The following EIPR1 variants were observed in gnomAD, a reference collection of about 807,000 sequenced individuals.
EIPR1 encodes EARP complex and GARP complex interacting protein 1.
Under a neutral mutation model 48.1 loss-of-function variants are expected in EIPR1, and 25 were observed. That is an observed-to-expected ratio of 0.52 (90% CI 0.38 to 0.73). The LOEUF is 0.73. Ranked by LOEUF, EIPR1 falls within the 30% of genes least tolerant of loss-of-function variation. The pLI, the probability that EIPR1 is intolerant of heterozygous loss-of-function variation, is 0.00. For missense variants in EIPR1, 415 were observed against 506.2 expected, an observed-to-expected ratio of 0.82 and a Z score of 1.73; for synonymous variants, 204 against 201.9, an observed-to-expected ratio of 1.01 and a Z score of -0.09.
At chr2:3,250,938 C>T (rs1044866707) in intron 4 of EIPR1, among the ~76,000 whole-genome samples, 1 of 151,978 alleles carries the variant, frequency 6.6e-6, no homozygotes, top group Non-Finnish European at 1.5e-5. Flanking sequence ...GCCAAATAAA[C>T]CTCTTTTTTT....
chr2:3,266,333 G>A (rs1397073235), intron 3 of EIPR1, among the ~76,000 whole-genome samples: 5 of 152,246 alleles, frequency 3.3e-5, no homozygotes. Context: ...GAGCTGAGCA[G>A]GATGGATGAG....
intron 4 of EIPR1, among the ~76,000 whole-genome samples, chr2:3,253,608 T>C (rs1211692366): frequency 6.6e-6 from 1 of 152,224 alleles, no homozygotes; most frequent in African/African-American, 2.4e-5. Context: ...CCGGACTCAG[T>C]ACTTCCCAGC....
At chr2:3,194,309 T>G in intron 6 of EIPR1, 143 bp from the exon 7 acceptor site, 16 of 968,688 alleles carry the variant, frequency 1.7e-5, no homozygotes, top group Non-Finnish European at 2.2e-5. Flanking sequence ...GTTCCTGCCC[T>G]GCAGGAAGAG....
At chr2:3,257,278 A>G (rs1281362701) in intron 4 of EIPR1, 21 bp downstream of exon 4, 3 of 1,607,014 alleles carry the variant, frequency 1.9e-6, no homozygotes, top group African/African-American at 2.7e-5. Flanking sequence ...TTCTGGGCGC[A>G]TGAAATATGC....
intron 3 of EIPR1, among the ~76,000 whole-genome samples, chr2:3,336,516 C>T (rs1258026050): frequency 6.6e-6 from 1 of 152,140 alleles, no homozygotes; most frequent in African/African-American, 2.4e-5. Context: ...GTCTGTAATC[C>T]TAGCACTTTG....
intron 5 of EIPR1, among the ~76,000 whole-genome samples, chr2:3,202,985 C>G (rs1162140171): frequency 6.6e-6 from 1 of 152,230 alleles, no homozygotes; most frequent in Non-Finnish European, 1.5e-5. Context: ...CACTCGGTGT[C>G]TGGCTGCCGA....
At chr2:3,193,681 G>A (rs1664691069) in intron 7 of EIPR1, among the ~76,000 whole-genome samples, 1 of 152,208 alleles carries the variant, frequency 6.6e-6, no homozygotes, top group South Asian at 2.1e-4. Flanking sequence ...CCTAGTGATG[G>A]ACATTTGGGT....
chr2:3,265,304 C>T (rs1667453895), intron 3 of EIPR1, among the ~76,000 whole-genome samples: 1 of 152,146 alleles, frequency 6.6e-6, no homozygotes, highest in African/African-American at 2.4e-5. Context: ...AGTTGGCATT[C>T]CTACCTCCAG....
intron 3 of EIPR1, among the ~76,000 whole-genome samples, chr2:3,260,955 A>G (rs1468453341): frequency 6.6e-6 from 1 of 152,244 alleles, no homozygotes; most frequent in African/African-American, 2.4e-5. Flanking sequence ...CACATTTTGG[A>G]AAACACTTTT....
intron 2 of EIPR1, among the ~76,000 whole-genome samples, chr2:3,343,647 A>G (rs1288973284): frequency 6.6e-6 from 1 of 152,248 alleles, no homozygotes; most frequent in Admixed American, 6.5e-5. Context: ...GATTTAGAAT[A>G]AAGAGTTATA....
At chr2:3,351,136 G>A (rs1195334727) in intron 2 of EIPR1, among the ~76,000 whole-genome samples, 1 of 151,968 alleles carries the variant, frequency 6.6e-6, no homozygotes, top group African/African-American at 2.4e-5. Flanking sequence ...AAGTAGCTGG[G>A]ATTACAGGTG....
intron 3 of EIPR1, among the ~76,000 whole-genome samples, chr2:3,269,331 ATCATCACACTCAG>A (rs1558263257): frequency 4.9e-5 from 5 of 101,068 alleles, no homozygotes; most frequent in Admixed American, 1.9e-4. Flanking sequence ...GCACTCAATC[ATCATCACACTCAG>A]TCATCGCACT....
intron 4 of EIPR1, among the ~76,000 whole-genome samples, chr2:3,236,170 C>T (rs941446853): frequency 2.0e-5 from 3 of 152,152 alleles, no homozygotes; most frequent in Non-Finnish European, 2.9e-5. Context: ...GTCATGACAT[C>T]GCCGTACGTG....
At chr2:3,260,580 A>G (rs1160147354) in intron 3 of EIPR1, among the ~76,000 whole-genome samples, 12 of 152,076 alleles carry the variant, frequency 7.9e-5, no homozygotes, top group Non-Finnish European at 1.5e-5. Flanking sequence ...AAACAAAAGA[A>G]AAGAAAAGAC....
At chr2:3,251,016 C>A (rs924875290) in intron 4 of EIPR1, among the ~76,000 whole-genome samples, 1 of 152,046 alleles carries the variant, frequency 6.6e-6, no homozygotes, top group Non-Finnish European at 1.5e-5. Context: ...AGGCAGCTAA[C>A]ACACATAAAA....
intron 5 of EIPR1, among the ~76,000 whole-genome samples, chr2:3,212,552 C>A (rs1665493103): frequency 6.6e-6 from 1 of 152,284 alleles, no homozygotes; most frequent in Admixed American, 6.5e-5. Flanking sequence ...AAGTATTTTC[C>A]TCCTTCTTCC....
chr2:3,322,944 C>A (rs1446039798), intron 3 of EIPR1, among the ~76,000 whole-genome samples: 2 of 152,168 alleles, frequency 1.3e-5, no homozygotes, highest in African/African-American at 4.8e-5. Context: ...CCTTGGCGTA[C>A]GTGCGAGGTG....
intron 5 of EIPR1, among the ~76,000 whole-genome samples, chr2:3,212,284 T>C (rs918850878): frequency 1.3e-5 from 2 of 152,208 alleles, no homozygotes; most frequent in Non-Finnish European, 2.9e-5. Context: ...TGTTCACAGT[T>C]TGATTACAGA....
chr2:3,255,165 A>G lies in EIPR1; in HGVS notation c.416+2134T>C, dbSNP rs1667113861. Among the ~76,000 whole-genome samples, 3 of 151,742 alleles carry G rather than the reference A, an allele frequency of 2.0e-5. No individual in the cohort carries two copies. The South Asian group carries it at 6.3e-4, about 32-fold the overall frequency. On this transcript the variant is annotated intron_variant, in intron 4 of 8. Transcript: ENST00000382125. ...GAGGATAGTTGAATTTGCCTGTTTA[A>G]TATCAACAATTACTTTCTTACTTTC...
Sources: gnomAD v4.1 joint callset for allele counts (sites outside exome capture counted in the v4.1 genomes callset) on GRCh38, gnomAD v4.1.1 for gene constraint, MANE v1.5 for transcripts, NCBI Gene and HGNC (gene_info 2026-07-23, HGNC 2026-07-21) for gene names.